OXSR1: variants seen among roughly 807,000 people sequenced by gnomAD.
The protein encoded by OXSR1 is oxidative stress responsive kinase 1, also known as serine/threonine-protein kinase OSR1.
In OXSR1, 24 loss-of-function variants were observed where a neutral mutation model predicts 79.8. The observed-to-expected ratio is 0.30, with a 90% CI of 0.22 to 0.42. The LOEUF (loss-of-function observed/expected upper bound fraction) is 0.42, where lower values mean the gene tolerates loss of function less well. Among genes scored for constraint, OXSR1 ranks in the 10% least tolerant of loss-of-function variants. OXSR1 has a pLI of 1.00. For synonymous variants in OXSR1, 226 were observed against 209.2 expected (o/e 1.08, Z -0.69); for missense variants, 430 against 618.4 (o/e 0.70, Z 3.23).
intron 3 of OXSR1, among the ~76,000 whole-genome samples, chr3:38,191,299 C>T (rs554807469): frequency 3.8e-4 from 58 of 152,036 alleles, no homozygotes; most frequent in African/African-American, 1.3e-3. Flanking sequence ...CTCCTGTCTT[C>T]AAGCGATCCT....
intron 1 of OXSR1, 36 bp downstream of exon 1, chr3:38,165,982 G>A: frequency 6.3e-7 from 1 of 1,580,966 alleles, no homozygotes; most frequent in Admixed American, 1.7e-5. Context: ...GAGGCGCGGC[G>A]CTGGGAGGCG....
chr3:38,214,932 A>G (rs961180771), intron 4 of OXSR1, among the ~76,000 whole-genome samples: 4 of 152,204 alleles, frequency 2.6e-5, no homozygotes, highest in Non-Finnish European at 5.9e-5. Context: ...TTTCATGACA[A>G]ATAAGACGTT....
chr3:38,168,836 TGTA>T (rs1701518766), intron 1 of OXSR1, among the ~76,000 whole-genome samples: 2 of 152,238 alleles, frequency 1.3e-5, no homozygotes, highest in African/African-American at 4.8e-5. Context: ...CCATCTGCCA[TGTA>T]GTACATGGTT....
intron 6 of OXSR1, 44 bp from the exon 7 acceptor site, chr3:38,223,768 T>G (rs1175891991): frequency 1.4e-6 from 2 of 1,422,022 alleles, no homozygotes; most frequent in Non-Finnish European, 9.9e-7. Flanking sequence ...CTTTTAAAAG[T>G]CCTTTTATGC....
intron 11 of OXSR1, 45 bp downstream of exon 11, chr3:38,237,006 T>A (rs1205644469): frequency 6.4e-7 from 1 of 1,562,232 alleles, no homozygotes; most frequent in African/African-American, 1.4e-5. Flanking sequence ...CTTTTTGTAG[T>A]TCTTGTTCAG....
intron 2 of OXSR1, 108 bp downstream of exon 2, chr3:38,183,223 A>T (rs1701819926): frequency 2.1e-6 from 1 of 482,032 alleles, no homozygotes. Context: ...AAAGTTTATG[A>T]TTTCTTCATT....
intron 1 of OXSR1, among the ~76,000 whole-genome samples, chr3:38,168,272 C>T (rs1701506378): frequency 6.6e-6 from 1 of 152,178 alleles, no homozygotes; most frequent in African/African-American, 2.4e-5. Flanking sequence ...TTCCCTGTGT[C>T]GTACAACTAT....
intron 17 of OXSR1, 120 bp from the exon 18 acceptor site, chr3:38,252,697 T>C (rs1055067550): frequency 2.7e-6 from 2 of 753,094 alleles, no homozygotes; most frequent in African/African-American, 3.5e-5. Context: ...CAGTCTCCTA[T>C]TTGTATCCTA....
chr3:38,216,501 A>G (rs1702485049), intron 5 of OXSR1, among the ~76,000 whole-genome samples: 1 of 152,194 alleles, frequency 6.6e-6, no homozygotes, highest in South Asian at 2.1e-4. Context: ...TACGTTATAT[A>G]GAGGCTATAC....
chr3:38,222,350 C>T (rs1283756651), intron 6 of OXSR1, among the ~76,000 whole-genome samples: 1 of 152,130 alleles, frequency 6.6e-6, no homozygotes, highest in Non-Finnish European at 1.5e-5. Context: ...CAGCAGATTG[C>T]GATGCCCCTT....
At position 38,183,046 on chromosome 3, in the gene OXSR1, T is replaced by C; in HGVS notation, c.114T>C (p.Pro38=). 6.2e-7 allele frequency: 1 copy of C among 1,613,282 alleles called. No individual in the cohort carries two copies. The highest frequency in any genetic ancestry group is 1.7e-4 in the Middle Eastern group (1 of 6,056). Residue 38 remains proline, a synonymous_variant, in exon 2 of 18, where the codon CCT becomes CCC. Coordinates refer to ENST00000311806, the MANE Select transcript of OXSR1 (RefSeq NM_005109.3). ...TAGTCCAAGCAGCTTATTGTGCCCC[T>C]AAAAAGGAGAAAGTGGCAATCAAAC... is the stretch of plus-strand genomic sequence containing the variant. ...TAVVQAAYCA[P]KKEKVAIKRI...
At chr3:38,173,792 G>A (rs1279018814) in intron 1 of OXSR1, among the ~76,000 whole-genome samples, 2 of 152,122 alleles carry the variant, frequency 1.3e-5, no homozygotes, top group Non-Finnish European at 2.9e-5. Flanking sequence ...GGATGCTGGA[G>A]ATAAAACAAT....
At position 38,254,415 on chromosome 3, in the gene OXSR1, T is replaced by C; in HGVS notation, c.*1524T>C. On this transcript the variant is annotated 3_prime_UTR_variant, in exon 18 of 18. Transcript: ENST00000311806. ...GTGCAAAGGCATGTTGGGAAAGAGA[T>C]GGATGTTGGGGAGGAAGAGAGGAGA... 2.6e-6 allele frequency: 1 copy of C among 391,494 alleles called. No individual in the cohort carries two copies. Among genetic ancestry groups the C allele is most frequent in the African/African-American group, 2.1e-5 (1 of 48,488 alleles). 24.3% of individuals were successfully genotyped at this position (391,494 alleles called of 1,614,324 possible).
chr3:38,185,549 GCACTC>G (rs1475029385), intron 2 of OXSR1, among the ~76,000 whole-genome samples: 6 of 152,194 alleles, frequency 3.9e-5, no homozygotes, highest in Non-Finnish European at 8.8e-5. Flanking sequence ...TTGTGCCACT[GCACTC>G]CAGCTTGGGT....
At chr3:38,236,121 G>A (rs1456290373) in intron 10 of OXSR1, among the ~76,000 whole-genome samples, 1 of 152,158 alleles carries the variant, frequency 6.6e-6, no homozygotes, top group Non-Finnish European at 1.5e-5. Flanking sequence ...TGTATGATAA[G>A]GTTCAGCTCT....
intron 8 of OXSR1, 68 bp downstream of exon 8, chr3:38,224,772 C>T (rs113230723): frequency 1.5e-5 from 15 of 1,030,230 alleles, no homozygotes; most frequent in Middle Eastern, 3.2e-4. Flanking sequence ...GAATCACATA[C>T]TCATATGTAC....
chr3:38,240,519 G>T (rs1042119979), intron 11 of OXSR1, among the ~76,000 whole-genome samples: 1 of 152,040 alleles, frequency 6.6e-6, no homozygotes, highest in Non-Finnish European at 1.5e-5. Flanking sequence ...CCACTGAATG[G>T]CCTGAAAGCA....
chr3:38,164,785 G>GA, upstream of OXSR1, among the ~76,000 whole-genome samples: 1 of 152,078 alleles, frequency 6.6e-6, no homozygotes, highest in East Asian at 1.9e-4. Context: ...CTAAAGCTGC[G>GA]AATGGACAGA....
Position 38,202,311 on chromosome 3 carries a change from A to C in OXSR1, c.434+3448A>C, listed in dbSNP as rs1227935741. ...ATAAGGCAAGATGACTTGGAAAGCA[A>C]GACTTAATGAACAACAAAGAGAGAG... is the stretch of plus-strand genomic sequence containing the variant. On this transcript the variant is annotated intron_variant, in intron 4 of 17. Transcript: ENST00000311806. Among the ~76,000 whole-genome samples, 5 of 152,340 alleles carry C rather than the reference A, an allele frequency of 3.3e-5. No individual in the cohort carries two copies. In the East Asian group the frequency reaches 9.6e-4, roughly 29 times the overall value.
Sources: allele counts gnomAD v4.1 joint callset (sites outside exome capture counted in the v4.1 genomes callset), GRCh38; gene constraint gnomAD v4.1.1; transcripts MANE v1.5; gene names NCBI Gene and HGNC (gene_info 2026-07-23, HGNC 2026-07-21).